Variants in DCT observed in about 807,000 individuals in gnomAD.
The protein encoded by DCT is dopachrome tautomerase, also known as L-dopachrome tautomerase.
In DCT, 47 loss-of-function variants were observed where a neutral mutation model predicts 53.0. The observed-to-expected ratio is 0.89, with a 90% CI of 0.70 to 1.13. The LOEUF is 1.13. DCT is among the 50% of genes most tolerant of loss of function. The pLI is 0.00. For synonymous variants in DCT, 244 were observed against 237.0 expected (o/e 1.03, Z -0.27); for missense variants, 669 against 637.4 (o/e 1.05, Z -0.53).
At chr13:94,469,592 GT>G (rs1461637162) in intron 1 of DCT, among the ~76,000 whole-genome samples, 6 of 152,130 alleles carry the variant, frequency 3.9e-5, no homozygotes. Flanking sequence ...GAATTTCAGT[GT>G]TTAAGCTGCC....
chr13:94,513,782 T>C, the DCT span, among the ~76,000 whole-genome samples: 1 of 151,880 alleles, frequency 6.6e-6, no homozygotes, highest in Admixed American at 6.6e-5. Flanking sequence ...AGATCAGAAG[T>C]TCGAGACTAG....
intron 6 of DCT, among the ~76,000 whole-genome samples, chr13:94,444,204 G>T (rs1224118791): frequency 3.3e-5 from 5 of 152,092 alleles, no homozygotes; most frequent in African/African-American, 1.2e-4. Context: ...GAGCATTTTT[G>T]AATTTTTTGG....
the DCT span, among the ~76,000 whole-genome samples, chr13:94,514,624 C>T: frequency 6.6e-6 from 1 of 152,124 alleles, no homozygotes; most frequent in South Asian, 2.1e-4. Context: ...GAGTGGGGAG[C>T]ACGTGGGCAA....
chr13:94,479,180 G>C lies in DCT; in HGVS notation c.76C>G (p.Pro26Ala). Residue 26 changes from proline to alanine, a missense_variant, in exon 1 of 8, where the codon CCC becomes GCC. Pro to Ala is a conservative substitution (Grantham distance 27). Coordinates refer to ENST00000377028, the MANE Select transcript of DCT (RefSeq NM_001922.5). ...CTGTCCACCGTCATGCAGACTCGGGGGAACTGACCCTGGGCTCCTGGCAGG... is the reference window on the plus strand; with the variant it reads ...CTGTCCACCGTCATGCAGACTCGGGCGAACTGACCCTGGGCTCCTGGCAGG... ...KILPGAQGQF[P>A]RVCMTVDSLV... The C allele has an allele frequency of 1.2e-6, 2 of 1,612,200 alleles. No homozygotes were observed. Among genetic ancestry groups the C allele is most frequent in the Non-Finnish European group, 1.7e-6 (2 of 1,178,360 alleles).
chr13:94,513,985 C>T, the DCT span, among the ~76,000 whole-genome samples: 3 of 39,838 alleles, frequency 7.5e-5, no homozygotes, highest in Admixed American at 7.8e-4. Flanking sequence ...AAAACTCTGT[C>T]TCAAAAAAAA....
At chr13:94,475,595 C>A (rs1392279975) in intron 1 of DCT, among the ~76,000 whole-genome samples, 2 of 152,058 alleles carry the variant, frequency 1.3e-5, no homozygotes, top group Admixed American at 6.6e-5. Flanking sequence ...ATTTTCTGTA[C>A]AATATAGTGC....
chr13:94,544,179 G>A, the DCT span, among the ~76,000 whole-genome samples: 2 of 151,992 alleles, frequency 1.3e-5, no homozygotes, highest in Non-Finnish European at 2.9e-5. Flanking sequence ...CTAGTAGCAT[G>A]TATTTTTTTT....
At chr13:94,500,085 C>T in the DCT span, among the ~76,000 whole-genome samples, 67 of 152,180 alleles carry the variant, frequency 4.4e-4, no homozygotes, top group African/African-American at 9.9e-4. Context: ...GTATAGTCAC[C>T]GGGCTATACA....
chr13:94,449,808 C>T (rs1882965723), intron 6 of DCT, among the ~76,000 whole-genome samples: 1 of 152,124 alleles, frequency 6.6e-6, no homozygotes, highest in Non-Finnish European at 1.5e-5. Flanking sequence ...TTTCACACTG[C>T]CCTAAATAGG....
At chr13:94,447,498 G>A (rs1057496068) in intron 6 of DCT, among the ~76,000 whole-genome samples, 20 of 152,198 alleles carry the variant, frequency 1.3e-4, no homozygotes, top group African/African-American at 4.8e-4. Context: ...TTCCTAAGAG[G>A]CCACAGACCA....
At chr13:94,536,600 C>T in the DCT span, among the ~76,000 whole-genome samples, 2 of 152,258 alleles carry the variant, frequency 1.3e-5, no homozygotes, top group East Asian at 3.9e-4. Flanking sequence ...CTCTTGCTCC[C>T]TCTCCCGCTA....
chr13:94,517,881 C>A, the DCT span, among the ~76,000 whole-genome samples: 1 of 151,918 alleles, frequency 6.6e-6, no homozygotes, highest in Non-Finnish European at 1.5e-5. Context: ...TTGGAAGAGG[C>A]AAGGAATGAA....
chr13:94,473,076 G>A (rs948422971), intron 1 of DCT, among the ~76,000 whole-genome samples: 1 of 152,110 alleles, frequency 6.6e-6, no homozygotes, highest in Non-Finnish European at 1.5e-5. Context: ...GATGGGTGGT[G>A]AAAGAATCAA....
the DCT span, among the ~76,000 whole-genome samples, chr13:94,506,604 G>T: frequency 0.38 from 57,710 of 152,028 alleles, 11,432 homozygotes; most frequent in East Asian, 0.61. Context: ...TAGAAAGAAT[G>T]ATGCAAATAG....
the DCT span, among the ~76,000 whole-genome samples, chr13:94,516,173 G>A: frequency 6.6e-6 from 1 of 151,446 alleles, no homozygotes; most frequent in Non-Finnish European, 1.5e-5. Flanking sequence ...TGGAAGAGGT[G>A]GCATATGGAT....
chr13:94,454,680 C>A (rs1883297641), intron 6 of DCT, among the ~76,000 whole-genome samples: 2 of 152,110 alleles, frequency 1.3e-5, no homozygotes, highest in Non-Finnish European at 2.9e-5. Flanking sequence ...TAATAAATGT[C>A]ATGTGCAATA....
intron 6 of DCT, among the ~76,000 whole-genome samples, chr13:94,451,287 G>T (rs1353334226): frequency 6.6e-6 from 1 of 152,196 alleles, no homozygotes; most frequent in Non-Finnish European, 1.5e-5. Context: ...CATTTCAAAA[G>T]CTGTGCAAAA....
intron 6 of DCT, among the ~76,000 whole-genome samples, chr13:94,458,237 T>A (rs1264704573): frequency 6.6e-6 from 1 of 152,014 alleles, no homozygotes; most frequent in East Asian, 1.9e-4. Context: ...CCTGACAACA[T>A]CTGATTCAGA....
the DCT span, among the ~76,000 whole-genome samples, chr13:94,500,224 G>A: frequency 1.3e-5 from 2 of 152,082 alleles, no homozygotes; most frequent in African/African-American, 4.8e-5. Context: ...TGCCAACAAA[G>A]ACATAGCCGA....
Sources: gnomAD v4.1 joint callset for allele counts (sites outside exome capture counted in the v4.1 genomes callset) on GRCh38, gnomAD v4.1.1 for gene constraint, MANE v1.5 for transcripts, NCBI Gene and HGNC (gene_info 2026-07-23, HGNC 2026-07-21) for gene names.